Variants in EYA2 observed in about 807,000 individuals in gnomAD.
EYA2 encodes the protein protein phosphatase EYA2.
Under a neutral mutation model 69.2 loss-of-function variants are expected in EYA2, and 31 were observed. That is an observed-to-expected ratio of 0.45 (90% CI 0.34 to 0.60). EYA2 has a LOEUF of 0.60. EYA2 is among the 20% of genes least tolerant of loss of function. The pLI is 0.02. For missense variants in EYA2, 622 were observed against 701.2 expected (o/e 0.89, Z 1.28); for synonymous variants, 257 against 279.4 (o/e 0.92, Z 0.80).
intron 9 of EYA2, among the ~76,000 whole-genome samples, chr20:47,112,644 G>T (rs1331233763): frequency 6.6e-6 from 1 of 151,330 alleles, no homozygotes; most frequent in Non-Finnish European, 1.5e-5. Context: ...TTCAAAACTA[G>T]GCCAAAAAAA....
At chr20:47,090,048 A>G (rs1214485864) in intron 8 of EYA2, among the ~76,000 whole-genome samples, 2 of 151,996 alleles carry the variant, frequency 1.3e-5, no homozygotes, top group Non-Finnish European at 2.9e-5. Flanking sequence ...GGGGCTCTCA[A>G]CCTGGACTGC....
intron 1 of EYA2, among the ~76,000 whole-genome samples, chr20:46,921,529 G>T (rs550383903): frequency 3.9e-5 from 6 of 152,154 alleles, no homozygotes; most frequent in African/African-American, 1.4e-4. Flanking sequence ...CTCCCCATGG[G>T]CAGTCACAAC....
At chr20:47,063,398 T>TGTGTGTGTGTGTGC (rs1568754494) in intron 5 of EYA2, among the ~76,000 whole-genome samples, 1 of 106,066 alleles carries the variant, frequency 9.4e-6, no homozygotes, top group Non-Finnish European at 2.2e-5. Context: ...TGTGCGTGTG[T>TGTGTGTGTGTGTGC]GTGTGTGTGT....
chr20:46,989,803 C>T (rs1392516482), intron 1 of EYA2, among the ~76,000 whole-genome samples, 198 bp from the exon 2 acceptor site: 1 of 152,106 alleles, frequency 6.6e-6, no homozygotes, highest in East Asian at 1.9e-4. Context: ...TATTCTCCAG[C>T]GGGGAGCAAG....
intron 5 of EYA2, among the ~76,000 whole-genome samples, chr20:47,030,278 A>G (rs1984330531): frequency 6.6e-6 from 1 of 152,220 alleles, no homozygotes; most frequent in Non-Finnish European, 1.5e-5. Context: ...TGCCCACTAA[A>G]TGCCACTAGT....
At chr20:47,100,264 G>T (rs2032386993) in intron 9 of EYA2, among the ~76,000 whole-genome samples, 1 of 152,220 alleles carries the variant, frequency 6.6e-6, no homozygotes, top group Non-Finnish European at 1.5e-5. Context: ...TCAGGAGATT[G>T]CACAGACCAA....
chr20:47,118,199 C>G (rs1030271564), intron 9 of EYA2, among the ~76,000 whole-genome samples: 2 of 152,246 alleles, frequency 1.3e-5, no homozygotes, highest in Admixed American at 6.5e-5. Flanking sequence ...ATTTCTTTCC[C>G]CCACTGGGGG....
At position 46,987,991 on chromosome 20, in the gene EYA2, TATATATGG is replaced by T. The variant is rs200986923; in HGVS notation, c.-10-2009_-10-2002del. On this transcript the variant is annotated intron_variant, in intron 1 of 15. Coordinates refer to ENST00000327619, the MANE Select transcript of EYA2 (RefSeq NM_005244.5). Reference sequence around the variant, plus strand: ...ATATATATATATATATATATATATATATATATGGGGCAAAAAAAAAATACAGAATAAAA... The same window carrying T: ...ATATATATATATATATATATATATATGGCAAAAAAAAAATACAGAATAAAA... Among the ~76,000 whole-genome samples the T allele has an allele frequency of 7.9e-3, 641 of 81,124 alleles. 31 individuals are homozygous for T. Among genetic ancestry groups the T allele is most frequent in the African/African-American group, 0.012 (198 of 16,474 alleles). 53.2% of individuals were successfully genotyped at this position (81,124 alleles called of 152,430 possible).
At chr20:47,039,381 A>G (rs1237597776) in intron 5 of EYA2, among the ~76,000 whole-genome samples, 2 of 152,216 alleles carry the variant, frequency 1.3e-5, no homozygotes, top group African/African-American at 4.8e-5. Flanking sequence ...ACACGGCCAC[A>G]TCCATTCATT....
In EYA2 at chr20:47,127,242, G is replaced by A. The variant is rs550761698; in HGVS notation, c.889-15817G>A. ...GTTACGGATGAAATTGTTAGTACAAGAATATTTGAAGACAGTCCCCAAATT... is the reference window on the plus strand; with the variant it reads ...GTTACGGATGAAATTGTTAGTACAAAAATATTTGAAGACAGTCCCCAAATT... On this transcript the variant is annotated intron_variant, in intron 9 of 15. Coordinates refer to ENST00000327619, the MANE Select transcript of EYA2 (RefSeq NM_005244.5). Among the ~76,000 whole-genome samples, 51 of 152,276 alleles carry A rather than the reference G, an allele frequency of 3.3e-4. 1 individual carries two copies. Among genetic ancestry groups the A allele is most frequent in the Non-Finnish European group, 6.3e-4 (43 of 68,020 alleles).
rs546940280 is a variant in EYA2, at chr20:47,093,908, C to T, written c.805-3177C>T. Among the ~76,000 whole-genome samples, 20 of 152,346 alleles carry T rather than the reference C, an allele frequency of 1.3e-4. No individual in the cohort carries two copies. In the East Asian group the frequency reaches 2.9e-3, roughly 22 times the overall value. On this transcript the variant is annotated intron_variant, in intron 8 of 15. Coordinates refer to ENST00000327619, the MANE Select transcript of EYA2 (RefSeq NM_005244.5). ...GACCAAAGCACATCCATGTGCCTTACGCTGCCCTTGTCTCCCCTTCAGATC... is the reference window on the plus strand; with the variant it reads ...GACCAAAGCACATCCATGTGCCTTATGCTGCCCTTGTCTCCCCTTCAGATC...
intron 5 of EYA2, among the ~76,000 whole-genome samples, chr20:47,025,887 A>G (rs1465746540): frequency 6.6e-6 from 1 of 152,204 alleles, no homozygotes; most frequent in Non-Finnish European, 1.5e-5. Flanking sequence ...ATGGTGTCTC[A>G]GGGCAGTAGT....
At chr20:47,166,627 C>T (rs2034203097) in intron 10 of EYA2, among the ~76,000 whole-genome samples, 1 of 151,914 alleles carries the variant, frequency 6.6e-6, no homozygotes, top group Non-Finnish European at 1.5e-5. Context: ...GAGAAATCAC[C>T]TTGCAACTAA....
At chr20:47,122,558 A>T (rs2033082486) in intron 9 of EYA2, among the ~76,000 whole-genome samples, 1 of 151,890 alleles carries the variant, frequency 6.6e-6, no homozygotes, top group Non-Finnish European at 1.5e-5. Context: ...TCGGCCTCCC[A>T]AAGTGCTGGG....
intron 3 of EYA2, among the ~76,000 whole-genome samples, chr20:47,003,889 G>A (rs1228049633): frequency 6.6e-6 from 1 of 152,100 alleles, no homozygotes; most frequent in East Asian, 1.9e-4. Flanking sequence ...TCTGAGTTTT[G>A]GTTTCCTCAT....
At chr20:46,930,989 C>T (rs1016942504) in intron 1 of EYA2, among the ~76,000 whole-genome samples, 1 of 152,198 alleles carries the variant, frequency 6.6e-6, no homozygotes, top group Non-Finnish European at 1.5e-5. Flanking sequence ...GGCTGGCACC[C>T]ATTAGGTGCC....
chr20:46,936,559 C>T (rs1985917744), intron 1 of EYA2, among the ~76,000 whole-genome samples: 1 of 152,164 alleles, frequency 6.6e-6, no homozygotes, highest in Non-Finnish European at 1.5e-5. Flanking sequence ...GGGAAAATGA[C>T]TGCATTTGGG....
rs1216218824 is a variant in EYA2, at chr20:46,978,444, G to A, written c.-10-11557G>A. The stretch of plus-strand genomic sequence containing the variant: ...GAGGCCTCTGCAGGGTGAGCAGGAG[G>A]GACTGGAGTTCCAGGCAGAGGGAAC... On this transcript the variant is annotated intron_variant, in intron 1 of 15. Transcript: ENST00000327619. The A allele has an allele frequency of 9.8e-6, 4 of 406,660 alleles. No homozygotes were observed. The Admixed American group carries it at 1.1e-4, about 11-fold the overall frequency. The allele number at this position is 406,660 out of a possible 1,614,324, so 25.2% of individuals were successfully genotyped here. A position where few individuals can be genotyped will look rare whatever the true frequency, so the allele number is the denominator to read the frequency against.
intron 5 of EYA2, among the ~76,000 whole-genome samples, chr20:47,061,836 G>A (rs140080737): frequency 1.2e-3 from 183 of 152,268 alleles, no homozygotes; most frequent in African/African-American, 4.0e-3. Context: ...CGTGAACCAC[G>A]TCTTAGTCCC....
Sources: gnomAD v4.1 joint callset for allele counts (sites outside exome capture counted in the v4.1 genomes callset) on GRCh38, gnomAD v4.1.1 for gene constraint, MANE v1.5 for transcripts, NCBI Gene and HGNC (gene_info 2026-07-23, HGNC 2026-07-21) for gene names.